The following PARP12 variants were observed in gnomAD, a reference collection of about 807,000 sequenced individuals.
The protein encoded by PARP12 is poly(ADP-ribose) polymerase family member 12.
PARP12 carries 59 observed loss-of-function variants against 72.4 expected under a neutral mutation model. The ratio of observed to expected loss-of-function variants is 0.81; its 90% CI spans 0.66 to 1.01. PARP12 has a LOEUF of 1.01. Among genes scored for constraint, PARP12 ranks in the 50% least tolerant of loss-of-function variants. The pLI, the probability that PARP12 is intolerant of heterozygous loss-of-function variation, is 0.00. For synonymous variants in PARP12, 403 were observed against 371.4 expected (o/e 1.09, Z -0.98); for missense variants, 851 against 914.0 (o/e 0.93, Z 0.89).
chr7:140,047,150 A>C (rs571961497), intron 4 of PARP12, 143 bp from the exon 5 acceptor site: 1 of 869,320 alleles, frequency 1.2e-6, no homozygotes, highest in East Asian at 2.9e-5. Flanking sequence ...CAGTGCCGGC[A>C]TGCCTGAGCA....
Position 140,028,557 on chromosome 7 carries a change from A to G in PARP12, c.1497+56T>C. On this transcript the variant is annotated intron_variant, in intron 9 of 11. Coordinates refer to ENST00000263549, the MANE Select transcript of PARP12 (RefSeq NM_022750.4). ...GAGGAATGGCACAGTCTGTTCACAC[A>G]CACCCACTTCTACAGAACACCTTCC... The G allele has an allele frequency of 2.8e-6, 4 of 1,439,544 alleles. No homozygotes were observed. In the South Asian group the frequency reaches 5.2e-5, roughly 19 times the overall value. 89.2% of individuals were successfully genotyped at this position (1,439,544 alleles called of 1,614,324 possible).
At chr7:140,028,570 C>T (rs1314337461) in intron 9 of PARP12, 43 bp downstream of exon 9, 7 of 1,498,474 alleles carry the variant, frequency 4.7e-6, no homozygotes, top group African/African-American at 4.2e-5. Context: ...CCCACTTCTA[C>T]AGAACACCTT....
chr7:140,058,823 T>G (rs116938624), intron 1 of PARP12, among the ~76,000 whole-genome samples: 2,538 of 152,190 alleles, frequency 0.017, 33 homozygotes, highest in Non-Finnish European at 0.027. Context: ...AGGCTGGGTA[T>G]GGTGGCTCAC....
Position 140,046,721 on chromosome 7 carries a change from AGTGTGTGTGT to A in PARP12, c.986+153_986+162del, listed in dbSNP as rs9340757. On this transcript the variant is annotated intron_variant, in intron 5 of 11. Transcript: ENST00000263549. The stretch of plus-strand genomic sequence containing the variant: ...TCTACCTCCAGACTAGGTGGCTCAC[AGTGTGTGTGT>A]GTGTGTGTGTGTGTGTGTGTGTGTG... Among the ~76,000 whole-genome samples the A allele has an allele frequency of 7.0e-4, 95 of 135,486 alleles. No individual in the cohort carries two copies. In the East Asian group the frequency reaches 8.9e-3, roughly 13 times the overall value. 88.9% of individuals were successfully genotyped at this position (135,486 alleles called of 152,430 possible).
intron 4 of PARP12, among the ~76,000 whole-genome samples, chr7:140,051,388 ATTTT>A (rs1218388655): frequency 6.7e-6 from 1 of 150,086 alleles, no homozygotes; most frequent in Non-Finnish European, 1.5e-5. Flanking sequence ...CCCTTTAAAG[ATTTT>A]TTTTCTTTTT....
chr7:140,028,805 A>C, intron 8 of PARP12, 117 bp from the exon 9 acceptor site: 2 of 826,566 alleles, frequency 2.4e-6, no homozygotes, highest in East Asian at 3.1e-5. Context: ...ATCATATTTC[A>C]AGAGCAGGTA....
intron 1 of PARP12, among the ~76,000 whole-genome samples, chr7:140,059,726 C>T (rs1817361456): frequency 6.6e-6 from 1 of 152,238 alleles, no homozygotes; most frequent in African/African-American, 2.4e-5. Context: ...TCCTTGCCTG[C>T]TCTCTTTCCC....
chr7:140,062,697 C>G lies in PARP12; in HGVS notation c.151G>C (p.Val51Leu). 3.0e-6 allele frequency: 4 copies of G among 1,314,422 alleles called. No individual in the cohort carries two copies. The highest frequency in any genetic ancestry group is 3.9e-6 in the Non-Finnish European group (4 of 1,027,968). The allele number at this position is 1,314,422 out of a possible 1,614,324, so 81.4% of individuals were successfully genotyped here. A position where few individuals can be genotyped will look rare whatever the true frequency, so the allele number is the denominator to read the frequency against. ...RLLRQRGRFV[V>L]AVRAGGAAAA... Reference sequence around the variant, plus strand: ...GCTGCGCCGCCCGCCCGCACCGCCACCACGAAGCGCCCACGCTGCCGCAGC... The same window carrying G: ...GCTGCGCCGCCCGCCCGCACCGCCAGCACGAAGCGCCCACGCTGCCGCAGC... Residue 51 changes from valine to leucine, a missense_variant, in exon 1 of 12, where the codon GTG (valine) becomes CTG (leucine). Physicochemically the swap from Val to Leu is conservative, Grantham distance 32 (BLOSUM62 1). Around this residue, in one of 3 missense-constraint regions of PARP12, gnomAD observed 492 missense variants for 489.3 expected, o/e 1.01. Coordinates refer to ENST00000263549, the MANE Select transcript of PARP12 (RefSeq NM_022750.4).
intron 5 of PARP12, among the ~76,000 whole-genome samples, chr7:140,042,557 G>A (rs1816525931): frequency 6.6e-6 from 1 of 152,370 alleles, no homozygotes; most frequent in Admixed American, 6.5e-5. Context: ...AAGGGAAGCA[G>A]GAAACAAATG....
chr7:140,030,777 CATT>C (rs996735933), intron 8 of PARP12, among the ~76,000 whole-genome samples: 20 of 152,326 alleles, frequency 1.3e-4, no homozygotes, highest in African/African-American at 4.8e-4. Flanking sequence ...TTTCTTAAAA[CATT>C]ATGAGATTTT....
rs1338440050 is a variant in PARP12 at position 140,026,234 on chromosome 7, CCAGT to C, written c.1739_1742del (p.Asp580GlyfsTer72). ...AAGTGCCATGAACACCACAGACCCG[CCAGT>C]CAAAGTTCTGCTGGCAGATGGCGTC... On this transcript the variant is annotated frameshift_variant, in exon 11 of 12. Transcript: ENST00000263549. LOFTEE classifies it low-confidence loss of function (END_TRUNC). The C allele has an allele frequency of 5.0e-6, 8 of 1,614,208 alleles. No individual in the cohort carries two copies. Among genetic ancestry groups the C allele is most frequent in the East Asian group, 2.2e-5 (1 of 44,894 alleles).
chr7:140,028,466 T>G, intron 9 of PARP12, 147 bp downstream of exon 9: 1 of 637,706 alleles, frequency 1.6e-6, no homozygotes, highest in Non-Finnish European at 2.5e-6. Flanking sequence ...AAAACAAAAA[T>G]AAAGCCCACA....
chr7:140,033,946 G>A (rs777766680), intron 8 of PARP12: 16 of 1,031,168 alleles, frequency 1.6e-5, no homozygotes, highest in African/African-American at 1.7e-5. Context: ...AAAGACAAAC[G>A]GATGGGTTGG....
intron 11 of PARP12, chr7:140,025,710 A>G: frequency 3.1e-6 from 1 of 318,968 alleles, no homozygotes; most frequent in South Asian, 2.6e-5. Context: ...ATTTTCTTGA[A>G]TTTCGATTTC....
At chr7:140,058,106 T>C in intron 1 of PARP12, 72 bp from the exon 2 acceptor site, 2 of 1,520,194 alleles carry the variant, frequency 1.3e-6, no homozygotes, top group Non-Finnish European at 1.8e-6. Context: ...GAGTCCTAAC[T>C]CCCACGACCT....
intron 6 of PARP12, among the ~76,000 whole-genome samples, chr7:140,039,808 C>G (rs748523653): frequency 1.1e-4 from 16 of 152,188 alleles, no homozygotes; most frequent in Non-Finnish European, 1.9e-4. Context: ...GCCACCAAGC[C>G]TACATGTGTT....
rs1283904094 is a variant in PARP12 at position 140,037,726 on chromosome 7, A to T, written c.1313T>A (p.Leu438Ter). ...KFQAGKHNYELDFKAFVQKNL... is the reference protein window; with the variant it reads ...KFQAGKHNYE ...AGGGCACAGGATACCTTTGAAATCT[A>T]ACTCGTAGTTGTGCTTTCCGGCCTG... is the stretch of plus-strand genomic sequence containing the variant. The change falls in exon 7 of 12, where the codon TTA becomes TAA. Residue 438 changes from leucine (L) to a stop codon, truncating the protein, a stop_gained. Transcript: ENST00000263549. LOFTEE classifies it high-confidence loss of function. 2 of 1,614,096 alleles carry T rather than the reference A, an allele frequency of 1.2e-6. No individual in the cohort carries two copies. The highest frequency in any genetic ancestry group is 3.3e-5 in the Admixed American group (2 of 60,020).
intron 8 of PARP12, among the ~76,000 whole-genome samples, chr7:140,032,792 A>T (rs959952571): frequency 6.6e-6 from 1 of 152,212 alleles, no homozygotes; most frequent in African/African-American, 2.4e-5. Context: ...TTATTTTTGC[A>T]AAGAGAAACA....
intron 7 of PARP12, among the ~76,000 whole-genome samples, chr7:140,035,900 G>GAAGAGGAAGAGGAGGAGA (rs1569526845): frequency 0.013 from 1,700 of 126,708 alleles, 128 homozygotes; most frequent in African/African-American, 0.038. Flanking sequence ...AGAGGAGGAG[G>GAAGAGGAAGAGGAGGAGA]ACGAGGAGGA....
Sources: gnomAD v4.1 joint callset for allele counts (sites outside exome capture counted in the v4.1 genomes callset) on GRCh38, gnomAD v4.1.1 for gene constraint, gnomAD v4.1.1 regional missense constraint, MANE v1.5 for transcripts, NCBI Gene and HGNC (gene_info 2026-07-23, HGNC 2026-07-21) for gene names.